The following OSBPL5 variants were observed in gnomAD, a reference collection of about 807,000 sequenced individuals.
OSBPL5 encodes oxysterol-binding protein-related protein 5.
In OSBPL5, 71 loss-of-function variants were observed where a neutral mutation model predicts 111.2. That is an observed-to-expected ratio of 0.64 (90% CI 0.53 to 0.78). The LOEUF is 0.78. Among genes scored for constraint, OSBPL5 ranks in the 30% least tolerant of loss-of-function variants. The pLI is 0.00. For missense variants in OSBPL5, 1,210 were observed against 1,189.3 expected (o/e 1.02, Z -0.26); for synonymous variants, 549 against 513.9 (o/e 1.07, Z -0.93).
chr11:3,115,865 G>A, intron 7 of OSBPL5, among the ~76,000 whole-genome samples: 1 of 127,602 alleles, frequency 7.8e-6, no homozygotes. Flanking sequence ...AAGAATGAAG[G>A]CTTTTGCCTT....
At chr11:3,133,675 C>T (rs909903030) in intron 1 of OSBPL5, among the ~76,000 whole-genome samples, 7 of 152,242 alleles carry the variant, frequency 4.6e-5, no homozygotes, top group Non-Finnish European at 8.8e-5. Flanking sequence ...AACCCTTTTC[C>T]GCCACTGTGC....
intron 1 of OSBPL5, among the ~76,000 whole-genome samples, chr11:3,149,639 C>T (rs1378187205): frequency 2.0e-5 from 3 of 152,228 alleles, no homozygotes; most frequent in East Asian, 1.9e-4. Context: ...TCCTCACGGT[C>T]GTCCTGGGAG....
chr11:3,148,583 G>A (rs967914091), intron 1 of OSBPL5, among the ~76,000 whole-genome samples: 4 of 152,224 alleles, frequency 2.6e-5, no homozygotes, highest in Admixed American at 2.0e-4. Flanking sequence ...ACGGCAGGGC[G>A]GGGGCACCGT....
Position 3,106,525 on chromosome 11 carries a change from G to C in OSBPL5, c.1059+738C>G, listed in dbSNP as rs1194971202. ...TTCCTGAGGCGCCCCACGGTGCCCA[G>C]GGCCACGTGAGTTCTCTCCAGCTGC... On this transcript the variant is annotated intron_variant, in intron 9 of 21. Transcript: ENST00000263650. This position sits in a 1 kb window ranked among gnomAD's most constrained non-coding sequence, Gnocchi z 8.4. Among the ~76,000 whole-genome samples, 1 of 152,144 alleles carries C rather than the reference G, an allele frequency of 6.6e-6. No individual in the cohort carries two copies. Among genetic ancestry groups the C allele is most frequent in the African/African-American group, 2.4e-5 (1 of 41,440 alleles).
rs940741721 is a variant in OSBPL5, at chr11:3,105,135, C to T, written c.1060-758G>A. Among the ~76,000 whole-genome samples the T allele has an allele frequency of 2.6e-5, 4 of 152,192 alleles. No individual in the cohort carries two copies. The highest frequency in any genetic ancestry group is 9.7e-5 in the African/African-American group (4 of 41,434). On this transcript the variant is annotated intron_variant, in intron 9 of 21. Coordinates refer to ENST00000263650, the MANE Select transcript of OSBPL5 (RefSeq NM_020896.4). This position sits in a 1 kb window ranked among gnomAD's most constrained non-coding sequence, Gnocchi z 5.2. The stretch of plus-strand genomic sequence containing the variant: ...CAGGGAACGGGGACCCTGGTCCTCC[C>T]CCTCCACAGAGGGGACAAGTGACTT...
At chr11:3,123,280 C>T (rs1048527281) in intron 3 of OSBPL5, among the ~76,000 whole-genome samples, 17 of 152,218 alleles carry the variant, frequency 1.1e-4, no homozygotes, top group African/African-American at 3.9e-4. Flanking sequence ...CAGCAAGCTA[C>T]GACCCGAATC....
rs548516677 is a variant in OSBPL5, at chr11:3,148,058, T to C, written c.-22+17158A>G. Among the ~76,000 whole-genome samples the C allele has an allele frequency of 1.1e-3, 171 of 152,260 alleles. 1 individual carries two copies. The highest frequency in any genetic ancestry group is 5.2e-3 in the East Asian group (27 of 5,162). ...GGCACACTGGCTGCAGAGGCTCCCATTGCATGGTGCAGACAGCTCTCCCTG... is the reference window on the plus strand; with the variant it reads ...GGCACACTGGCTGCAGAGGCTCCCACTGCATGGTGCAGACAGCTCTCCCTG... On this transcript the variant is annotated intron_variant, in intron 1 of 21. Coordinates refer to ENST00000263650, the MANE Select transcript of OSBPL5 (RefSeq NM_020896.4).
chr11:3,090,016 G>C, intron 20 of OSBPL5, 68 bp from the exon 21 acceptor site: 3 of 1,285,414 alleles, frequency 2.3e-6, no homozygotes, highest in Non-Finnish European at 3.2e-6. Flanking sequence ...GGTCCAGTGG[G>C]GCTGGCACGT....
intron 7 of OSBPL5, among the ~76,000 whole-genome samples, chr11:3,108,527 G>T (rs959725242): frequency 2.6e-5 from 4 of 152,174 alleles, no homozygotes; most frequent in African/African-American, 9.7e-5. Context: ...GCCTGAGGCC[G>T]CCCAGAGGCT....
rs1310549664 is a variant in OSBPL5 at position 3,103,776 on chromosome 11, C to G, written c.1244+417G>C. On this transcript the variant is annotated intron_variant, in intron 10 of 21. Coordinates refer to ENST00000263650, the MANE Select transcript of OSBPL5 (RefSeq NM_020896.4). ...TTCCAGCTCTGCAGCCCCCTTCCAG[C>G]CTCTGCAGTCCCTTCCTGCCTCTGC... Among the ~76,000 whole-genome samples, 13 of 83,042 alleles carry G rather than the reference C, an allele frequency of 1.6e-4. 1 individual carries two copies. The highest frequency in any genetic ancestry group is 1.8e-3 in the East Asian group (2 of 1,132). 54.5% of individuals were successfully genotyped at this position (83,042 alleles called of 152,430 possible).
At chr11:3,093,907 G>T in intron 15 of OSBPL5, 72 bp from the exon 16 acceptor site, 1 of 1,512,688 alleles carries the variant, frequency 6.6e-7, no homozygotes, top group East Asian at 2.4e-5. Context: ...CCTCATGGGG[G>T]CACGGAACAG....
intron 14 of OSBPL5, among the ~76,000 whole-genome samples, chr11:3,095,716 G>A (rs895923718): frequency 3.5e-4 from 53 of 152,172 alleles, no homozygotes; most frequent in African/African-American, 1.3e-3. Flanking sequence ...TAAAAAACCT[G>A]GGATTTATCC....
In OSBPL5 at chr11:3,119,599, T is replaced by C. The variant is rs1858330537; in HGVS notation, c.639A>G (p.Thr213=). 6.3e-7 allele frequency: 1 copy of C among 1,576,286 alleles called. No homozygotes were observed. Among genetic ancestry groups the C allele is most frequent in the Admixed American group, 1.9e-5 (1 of 51,854 alleles). Reference sequence around the variant, plus strand: ...TCAGGTAGCTGCTGGGCAGGGGCTGTGTGATGGAGCCCACGCTCTCACCTT... The same window carrying C: ...TCAGGTAGCTGCTGGGCAGGGGCTGCGTGATGGAGCCCACGCTCTCACCTT... The part of the protein sequence containing the change: ...GPKGESVGSI[T]QPLPSSYLIF... Residue 213 remains threonine, a synonymous_variant, in exon 7 of 22, where the codon ACA becomes ACG. Transcript: ENST00000263650.
chr11:3,126,454 C>T lies in OSBPL5; in HGVS notation c.219+19G>A, dbSNP rs1858629440. The T allele has an allele frequency of 6.2e-7, 1 of 1,602,448 alleles. No individual in the cohort carries two copies. The highest frequency in any genetic ancestry group is 1.3e-5 in the African/African-American group (1 of 74,660). On this transcript the variant is annotated intron_variant, in intron 3 of 21. Transcript: ENST00000263650. The surrounding 1 kb of genome is among the most constrained non-coding windows in gnomAD (Gnocchi z 6.5). ...AGCCAGGCTCTGGCTCATGGATCCT[C>T]CTATACCCAGGCTCTTACCGGTGGC...
chr11:3,127,317 C>A (rs1255804890), intron 2 of OSBPL5, among the ~76,000 whole-genome samples: 3 of 152,228 alleles, frequency 2.0e-5, no homozygotes, highest in African/African-American at 4.8e-5. Context: ...CCCATCCTGC[C>A]AAGGCCACAG....
Position 3,104,785 on chromosome 11 carries a change from G to A in OSBPL5, c.1060-408C>T, listed in dbSNP as rs953433185. Among the ~76,000 whole-genome samples, 1 of 152,130 alleles carries A rather than the reference G, an allele frequency of 6.6e-6. No homozygotes were observed. The highest frequency in any genetic ancestry group is 6.5e-5 in the Admixed American group (1 of 15,282). On this transcript the variant is annotated intron_variant, in intron 9 of 21. Transcript: ENST00000263650. This position sits in a 1 kb window ranked among gnomAD's most constrained non-coding sequence, Gnocchi z 5.0. ...AGCTGCCAGGGGAGGCAGGGATTTGGCCTGCTCTTCCATTTTTTAAAAAAG... is the reference window on the plus strand; with the variant it reads ...AGCTGCCAGGGGAGGCAGGGATTTGACCTGCTCTTCCATTTTTTAAAAAAG...
rs557617967 is a variant in OSBPL5, at chr11:3,094,308, C to G, written c.1648G>C (p.Glu550Gln). 4.1e-5 allele frequency: 66 copies of G among 1,613,556 alleles called. No individual in the cohort carries two copies. The Admixed American group carries it at 1.1e-3, about 26-fold the overall frequency. The change falls in exon 15 of 22, where the codon GAG (glutamate) becomes CAG (glutamine). Residue 550 changes from glutamate (E) to glutamine (Q), a missense_variant. By Grantham distance (29) the Glu-to-Gln change is conservative (BLOSUM62 2). Transcript: ENST00000263650. ...TCGATGGTGACCTTCCCACCCAGCT[C>G]CAGGGTCATCGTGCCATACAGGATT... ...KGILYGTMTL[E>Q]LGGKVTIECA...
Position 3,107,699 on chromosome 11 carries a change from C to G in OSBPL5, c.866+72G>C. The G allele has an allele frequency of 1.9e-6, 3 of 1,568,104 alleles. No homozygotes were observed. The highest frequency in any genetic ancestry group is 2.6e-6 in the Non-Finnish European group (3 of 1,154,780). On this transcript the variant is annotated intron_variant, in intron 8 of 21. Coordinates refer to ENST00000263650, the MANE Select transcript of OSBPL5 (RefSeq NM_020896.4). This position sits in a 1 kb window ranked among gnomAD's most constrained non-coding sequence, Gnocchi z 6.1. ...CACCAGAGCAGTGGCTGGGGCTGTC[C>G]TCTCCCCTCTTCCTCGCCTACAAGG...
chr11:3,152,593 C>T (rs891097721), intron 1 of OSBPL5, among the ~76,000 whole-genome samples: 5 of 152,292 alleles, frequency 3.3e-5, no homozygotes, highest in Admixed American at 6.5e-5. Flanking sequence ...TTATCGGGAG[C>T]GGCCTGCGAG....
Sources: gnomAD v4.1 joint callset for allele counts (sites outside exome capture counted in the v4.1 genomes callset) on GRCh38, gnomAD v4.1.1 for gene constraint, Gnocchi (gnomAD v3.1) non-coding constraint, MANE v1.5 for transcripts, NCBI Gene and HGNC (gene_info 2026-07-23, HGNC 2026-07-21) for gene names.